Variants in TENT2 observed in about 807,000 individuals in gnomAD.
The protein encoded by TENT2 is terminal nucleotidyltransferase 2, also known as poly(A) RNA polymerase GLD2.
TENT2 carries 44 observed loss-of-function variants against 72.2 expected under a neutral mutation model. That is an observed-to-expected ratio of 0.61 (90% CI 0.48 to 0.78). The LOEUF is 0.78. TENT2 is among the 30% of genes least tolerant of loss of function. TENT2 has a pLI of 0.00. For missense variants in TENT2, 541 were observed against 569.6 expected (o/e 0.95, Z 0.51); for synonymous variants, 212 against 192.5 (o/e 1.10, Z -0.84).
intron 12 of TENT2, among the ~76,000 whole-genome samples, chr5:79,676,321 G>A (rs771662753): frequency 7.2e-5 from 11 of 152,032 alleles, no homozygotes; most frequent in Admixed American, 2.6e-4. Context: ...GAATGGGGCT[G>A]GGCACAGTGG....
intron 11 of TENT2, among the ~76,000 whole-genome samples, chr5:79,659,096 T>A (rs963140052): frequency 6.6e-6 from 1 of 152,108 alleles, no homozygotes; most frequent in Non-Finnish European, 1.5e-5. Context: ...ACCTTTACTA[T>A]AAGATTTTTG....
intron 11 of TENT2, among the ~76,000 whole-genome samples, chr5:79,663,805 TAGACTTGCTAGATGC>T (rs1364314252): frequency 6.6e-6 from 1 of 152,172 alleles, no homozygotes; most frequent in Non-Finnish European, 1.5e-5. Context: ...GCACTGCTGA[TAGACTTGCTAGATGC>T]ACCGTTGCCA....
At chr5:79,623,201 G>T in intron 3 of TENT2, 51 bp from the exon 4 acceptor site, 1 of 1,318,772 alleles carries the variant, frequency 7.6e-7, no homozygotes, top group Non-Finnish European at 1.0e-6. Flanking sequence ...CTTTTTATTT[G>T]TTATCAGAAA....
chr5:79,665,483 T>C (rs1033890749), intron 11 of TENT2, among the ~76,000 whole-genome samples: 7 of 152,196 alleles, frequency 4.6e-5, no homozygotes, highest in Non-Finnish European at 1.0e-4. Context: ...TTTTTGCCAT[T>C]ATTATAGACA....
intron 10 of TENT2, 57 bp from the exon 11 acceptor site, chr5:79,656,901 T>G: frequency 7.7e-7 from 1 of 1,303,612 alleles, no homozygotes; most frequent in African/African-American, 1.5e-5. Flanking sequence ...GACAAATTAT[T>G]GCATTGTAAA....
chr5:79,653,641 C>T (rs542544350), intron 10 of TENT2, among the ~76,000 whole-genome samples: 2 of 152,232 alleles, frequency 1.3e-5, no homozygotes, highest in East Asian at 1.9e-4. Context: ...TTCAGCCATT[C>T]CTAGGTCTTT....
intron 4 of TENT2, among the ~76,000 whole-genome samples, chr5:79,635,267 T>C (rs1439900917): frequency 6.6e-6 from 1 of 152,194 alleles, no homozygotes; most frequent in East Asian, 1.9e-4. Context: ...GAACTCTCAA[T>C]GTTTGTTCTA....
chr5:79,626,946 A>G (rs1770648491), intron 4 of TENT2, among the ~76,000 whole-genome samples: 1 of 151,838 alleles, frequency 6.6e-6, no homozygotes, highest in East Asian at 2.0e-4. Flanking sequence ...CCTGGCCAAT[A>G]TGGTGAAACC....
intron 11 of TENT2, among the ~76,000 whole-genome samples, chr5:79,667,994 A>C (rs1009009563): frequency 1.3e-5 from 2 of 151,836 alleles, no homozygotes; most frequent in Non-Finnish European, 2.9e-5. Flanking sequence ...GGAGAAATAC[A>C]GAAAACCATC....
At position 79,623,278 on chromosome 5, in the gene TENT2, C is replaced by T. The variant is rs759573287; in HGVS notation, c.254C>T (p.Pro85Leu). 16 of 1,612,230 alleles carry T rather than the reference C, an allele frequency of 9.9e-6. No homozygotes were observed. Among genetic ancestry groups the T allele is most frequent in the East Asian group, 4.5e-5 (2 of 44,828 alleles). ...RKRLSDEKNL[P>L]LDGKRQRFHS... is the part of the protein sequence containing the mutation. ...AGATTAAGCGATGAAAAAAACCTTCCTCTTGACGGTAAACGGCAACGTTTC... is the reference window on the plus strand; with the variant it reads ...AGATTAAGCGATGAAAAAAACCTTCTTCTTGACGGTAAACGGCAACGTTTC... The change falls in exon 4 of 15, where the codon CCT becomes CTT. Residue 85 changes from proline (P) to leucine (L), a missense_variant. Transcript: ENST00000453514.
In TENT2 at chr5:79,633,440, T is replaced by G. The variant is rs980382974; in HGVS notation, c.466-7411T>G. On this transcript the variant is annotated intron_variant, in intron 4 of 14. Coordinates refer to ENST00000453514, the MANE Select transcript of TENT2 (RefSeq NM_001114394.3). ...GTATTTCCAGCTAAAAAGTTTTTTT[T>G]TTTTTTTTTTTTTTTTTGAGACAGA... Among the ~76,000 whole-genome samples, 16 of 145,140 alleles carry G rather than the reference T, an allele frequency of 1.1e-4. No individual in the cohort carries two copies. In the South Asian group the frequency reaches 1.6e-3, roughly 15 times the overall value.
intron 4 of TENT2, among the ~76,000 whole-genome samples, chr5:79,638,264 G>A (rs910837317): frequency 6.6e-6 from 1 of 151,834 alleles, no homozygotes; most frequent in African/African-American, 2.4e-5. Flanking sequence ...TAGGATGTTC[G>A]GTGACATCCT....
At chr5:79,660,463 A>T (rs1156335378) in intron 11 of TENT2, among the ~76,000 whole-genome samples, 1 of 151,830 alleles carries the variant, frequency 6.6e-6, no homozygotes, top group African/African-American at 2.4e-5. Context: ...CGCTAAAAGT[A>T]TCTTTGTACT....
intron 4 of TENT2, among the ~76,000 whole-genome samples, chr5:79,632,996 A>G (rs1188298361): frequency 6.6e-6 from 1 of 152,242 alleles, no homozygotes; most frequent in East Asian, 1.9e-4. Context: ...CCACCAGTTT[A>G]TAAATTAAGA....
chr5:79,664,735 A>G (rs1446653274), intron 11 of TENT2, among the ~76,000 whole-genome samples: 2 of 152,180 alleles, frequency 1.3e-5, no homozygotes, highest in African/African-American at 4.8e-5. Context: ...GAAAATTTTC[A>G]GGAGGTAACC....
chr5:79,676,139 C>CAT (rs575705382), intron 12 of TENT2, among the ~76,000 whole-genome samples: 77 of 144,038 alleles, frequency 5.3e-4, no homozygotes, highest in African/African-American at 6.3e-4. Flanking sequence ...AGTATATATA[C>CAT]ATATATATAT....
chr5:79,647,369 T>A (rs145256879), intron 8 of TENT2, among the ~76,000 whole-genome samples: 62 of 152,270 alleles, frequency 4.1e-4, no homozygotes, highest in African/African-American at 1.3e-3. Context: ...TTTGGAAAAA[T>A]TTTTAACTGC....
At chr5:79,629,299 C>T (rs1304866689) in intron 4 of TENT2, among the ~76,000 whole-genome samples, 3 of 152,130 alleles carry the variant, frequency 2.0e-5, no homozygotes, top group African/African-American at 4.8e-5. Context: ...AAAAATGTAA[C>T]TGTATTGACA....
chr5:79,626,339 ACT>A lies in TENT2; in HGVS notation c.465+2853_465+2854del, dbSNP rs570589094. On this transcript the variant is annotated intron_variant, in intron 4 of 14. Coordinates refer to ENST00000453514, the MANE Select transcript of TENT2 (RefSeq NM_001114394.3). ...TTTTTTTTTTTTGAGACGGAGTCTCACTCTGTCGCCCAGGCTGGAGTGCAGTG... is the reference window on the plus strand; with the variant it reads ...TTTTTTTTTTTTGAGACGGAGTCTCACTGTCGCCCAGGCTGGAGTGCAGTG... 5.1e-3 allele frequency among the ~76,000 whole-genome samples: 599 copies of A among 117,156 alleles called. 3 individuals carry two copies. Among genetic ancestry groups the A allele is most frequent in the African/African-American group, 0.019 (570 of 30,312 alleles). 76.9% of individuals were successfully genotyped at this position (117,156 alleles called of 152,430 possible). A position where few individuals can be genotyped will look rare whatever the true frequency, so the allele number is the denominator to read the frequency against.
Sources: allele counts gnomAD v4.1 joint callset (sites outside exome capture counted in the v4.1 genomes callset), GRCh38; gene constraint gnomAD v4.1.1; transcripts MANE v1.5; gene names NCBI Gene and HGNC (gene_info 2026-07-23, HGNC 2026-07-21).